The following PEPD variants were observed in gnomAD, a reference collection of about 807,000 sequenced individuals.
The protein encoded by PEPD is xaa-Pro dipeptidase.
Under a neutral mutation model 60.7 loss-of-function variants are expected in PEPD, and 53 were observed. That is an observed-to-expected ratio of 0.87 (90% CI 0.70 to 1.10). The LOEUF is 1.10. Ranked by LOEUF, PEPD falls within the 50% of genes least tolerant of loss-of-function variation. The pLI is 0.00. For missense variants in PEPD, 711 were observed against 711.9 expected, an observed-to-expected ratio of 1.00 and a Z score of 0.01; for synonymous variants, 267 against 284.1, an observed-to-expected ratio of 0.94 and a Z score of 0.60.
chr19:33,450,030 G>A (rs1376295849), intron 9 of PEPD, among the ~76,000 whole-genome samples: 1 of 152,234 alleles, frequency 6.6e-6, no homozygotes, highest in African/African-American at 2.4e-5. Context: ...GTGCAGACCA[G>A]CCTTGCTGGT....
intron 9 of PEPD, among the ~76,000 whole-genome samples, chr19:33,424,618 T>A (rs1222584545): frequency 1.3e-5 from 2 of 152,086 alleles, no homozygotes; most frequent in East Asian, 1.9e-4. Flanking sequence ...GGCGGGAGGA[T>A]CGCTGGAGTC....
At chr19:33,450,038 G>A (rs2145249581) in intron 9 of PEPD, among the ~76,000 whole-genome samples, 1 of 152,326 alleles carries the variant, frequency 6.6e-6, no homozygotes, top group East Asian at 1.9e-4. Context: ...CAGCCTTGCT[G>A]GTGGCCAAGC....
intron 9 of PEPD, among the ~76,000 whole-genome samples, chr19:33,450,427 A>G (rs918757173): frequency 3.9e-5 from 6 of 152,250 alleles, no homozygotes; most frequent in Non-Finnish European, 8.8e-5. Context: ...CCCTGGAAAG[A>G]AGGAGGAATA....
chr19:33,519,392 T>C (rs1307536944), intron 1 of PEPD, among the ~76,000 whole-genome samples: 2 of 152,198 alleles, frequency 1.3e-5, no homozygotes, highest in Non-Finnish European at 2.9e-5. Flanking sequence ...ATGGACCCCC[T>C]CTGTCCCAGG....
At chr19:33,428,954 A>T (rs1234527007) in intron 9 of PEPD, among the ~76,000 whole-genome samples, 2 of 152,246 alleles carry the variant, frequency 1.3e-5, no homozygotes, top group Non-Finnish European at 2.9e-5. Context: ...CTGCCCAGGC[A>T]GCCCCGAGTG....
intron 9 of PEPD, among the ~76,000 whole-genome samples, chr19:33,451,462 A>T (rs183289651): frequency 1.0e-3 from 155 of 152,356 alleles, no homozygotes; most frequent in African/African-American, 3.7e-3. Flanking sequence ...CATGGCATAC[A>T]TATAAAAGTG....
At chr19:33,404,157 T>G (rs753703221) in intron 11 of PEPD, among the ~76,000 whole-genome samples, 6 of 152,150 alleles carry the variant, frequency 3.9e-5, no homozygotes, top group Non-Finnish European at 2.9e-5. Context: ...AATGGGACCC[T>G]CCCACTGCTG....
At chr19:33,398,745 C>T (rs894554349) in intron 12 of PEPD, among the ~76,000 whole-genome samples, 4 of 152,340 alleles carry the variant, frequency 2.6e-5, no homozygotes, top group African/African-American at 4.8e-5. Context: ...TGACAGCTAA[C>T]GGGGGATGCT....
intron 9 of PEPD, among the ~76,000 whole-genome samples, chr19:33,458,037 T>C (rs1245729187): frequency 6.6e-6 from 1 of 152,000 alleles, no homozygotes; most frequent in Non-Finnish European, 1.5e-5. Flanking sequence ...GTACATACCG[T>C]GTATGTGAGG....
chr19:33,511,251 A>T lies in PEPD; in HGVS notation c.202-96T>A, dbSNP rs190724236. 5.3e-4 allele frequency: 690 copies of T among 1,301,702 alleles called. No homozygotes were observed. In the African/African-American group the frequency reaches 9.3e-3, roughly 17 times the overall value. The allele number at this position is 1,301,702 out of a possible 1,614,324, so 80.6% of individuals were successfully genotyped here. ...ACAGCACCCTAGAGAGCCAGCTCAG[A>T]CCGACAGCCTCCTGTAACTGACCCC... On this transcript the variant is annotated intron_variant, in intron 2 of 14. Transcript: ENST00000244137.
intron 7 of PEPD, among the ~76,000 whole-genome samples, chr19:33,471,460 G>T (rs555882908): frequency 6.6e-6 from 1 of 152,194 alleles, no homozygotes; most frequent in East Asian, 1.9e-4. Flanking sequence ...AATATGATGA[G>T]CCCATTTCCA....
At position 33,478,104 on chromosome 19, in the gene PEPD, A is replaced by G. The variant is rs781428367; in HGVS notation, c.504-14T>C. On this transcript the variant is annotated splice_polypyrimidine_tract_variant and intron_variant, in intron 6 of 14. Transcript: ENST00000244137. ...TTGACTTCGAACCTGTAGGGCGAAA[A>G]GAAATCAAGCCCATTAATCCAACGG... 1.3e-6 allele frequency: 2 copies of G among 1,598,800 alleles called. No individual in the cohort carries two copies. The highest frequency in any genetic ancestry group is 1.3e-5 in the African/African-American group (1 of 74,770).
At chr19:33,514,896 G>C (rs1055142587) in intron 1 of PEPD, among the ~76,000 whole-genome samples, 1 of 151,960 alleles carries the variant, frequency 6.6e-6, no homozygotes, top group Admixed American at 6.6e-5. Context: ...CTTAACGTTC[G>C]CACAGCTCTG....
At chr19:33,479,980 G>C (rs1399773196) in intron 6 of PEPD, among the ~76,000 whole-genome samples, 1 of 152,170 alleles carries the variant, frequency 6.6e-6, no homozygotes, top group Non-Finnish European at 1.5e-5. Flanking sequence ...TTAGGTCTTT[G>C]CGGAATTGCC....
intron 9 of PEPD, among the ~76,000 whole-genome samples, chr19:33,458,079 G>A (rs1414869661): frequency 6.6e-6 from 1 of 152,010 alleles, no homozygotes; most frequent in African/African-American, 2.4e-5. Context: ...ATGGTGTGTA[G>A]TGTGTGTATG....
intron 12 of PEPD, among the ~76,000 whole-genome samples, chr19:33,396,796 C>G (rs1435254417): frequency 6.6e-6 from 1 of 152,034 alleles, no homozygotes; most frequent in Non-Finnish European, 1.5e-5. Flanking sequence ...GGGCATGGGG[C>G]CCTCAGTGCT....
rs1968826548 is a variant in PEPD, at chr19:33,413,607, C to T, written c.708G>A (p.Met236Ile). ...FEHYCYSRGG[M>I]RHSSYTCICG... ...AGATGCAGGTGTAGGAGCTGTGGCG[C>T]ATGCCGCCCCGGGAGTAGCAGTAGT... is the stretch of plus-strand genomic sequence containing the variant. Residue 236 changes from methionine to isoleucine, a missense_variant, in exon 10 of 15, where the codon ATG becomes ATA. Coordinates refer to ENST00000244137, the MANE Select transcript of PEPD (RefSeq NM_000285.4). 1.3e-6 allele frequency: 2 copies of T among 1,588,138 alleles called. No homozygotes were observed. Among genetic ancestry groups the T allele is most frequent in the Non-Finnish European group, 1.7e-6 (2 of 1,166,990 alleles).
At chr19:33,408,466 T>C (rs910222261) in intron 11 of PEPD, among the ~76,000 whole-genome samples, 3 of 152,234 alleles carry the variant, frequency 2.0e-5, no homozygotes, top group African/African-American at 7.2e-5. Context: ...TCCCTGTGTG[T>C]GTATCCATGT....
intron 9 of PEPD, among the ~76,000 whole-genome samples, chr19:33,443,715 A>G (rs1434154036): frequency 6.6e-6 from 1 of 151,932 alleles, no homozygotes; most frequent in African/African-American, 2.4e-5. Context: ...GAATGGGCTG[A>G]AAGAGGAGTG....
Sources: gnomAD v4.1 joint callset for allele counts (sites outside exome capture counted in the v4.1 genomes callset) on GRCh38, gnomAD v4.1.1 for gene constraint, MANE v1.5 for transcripts, NCBI Gene and HGNC (gene_info 2026-07-23, HGNC 2026-07-21) for gene names.